Variants in CSF1R observed in about 807,000 individuals in gnomAD.
CSF1R encodes the protein colony stimulating factor 1 receptor.
Under a neutral mutation model 110.0 loss-of-function variants are expected in CSF1R, and 40 were observed. That is an observed-to-expected ratio of 0.36 (90% CI 0.28 to 0.47). The LOEUF is 0.47. Ranked by LOEUF, CSF1R falls within the 20% of genes least tolerant of loss-of-function variation. The pLI, the probability that CSF1R is intolerant of heterozygous loss-of-function variation, is 0.99. For missense variants in CSF1R, 1,052 were observed against 1,253.0 expected (o/e 0.84, Z 2.42); for synonymous variants, 523 against 503.4 (o/e 1.04, Z -0.52).
chr5:150,066,119 G>T (rs1757759042), intron 10 of CSF1R, among the ~76,000 whole-genome samples: 1 of 152,292 alleles, frequency 6.6e-6, no homozygotes, highest in Non-Finnish European at 1.5e-5. Context: ...TCAAGGAGAT[G>T]ATGCCCGACC....
chr5:150,061,483 T>A lies in CSF1R; in HGVS notation c.1858+8A>T. The stretch of plus-strand genomic sequence containing the variant: ...CCATCCCTTCCCTCATCCCCTCCCC[T>A]CACTCACACTTCAGCATCTTCACAG... On this transcript the variant is annotated splice_region_variant and intron_variant, in intron 12 of 20. Transcript: ENST00000675795. 2.0e-4 allele frequency: 93 copies of A among 468,684 alleles called. No homozygotes were observed. Among genetic ancestry groups the A allele is most frequent in the Non-Finnish European group, 2.7e-4 (87 of 323,814 alleles). The allele number at this position is 468,684 out of a possible 1,614,324, so 29.0% of individuals were successfully genotyped here.
chr5:150,064,794 C>T (rs764938012), intron 10 of CSF1R, among the ~76,000 whole-genome samples: 1 of 152,082 alleles, frequency 6.6e-6, no homozygotes, highest in Admixed American at 6.5e-5. Context: ...ATTTCTGAAT[C>T]CTAGGCTCCT....
At chr5:150,064,796 T>A (rs752240871) in intron 10 of CSF1R, among the ~76,000 whole-genome samples, 1 of 152,156 alleles carries the variant, frequency 6.6e-6, no homozygotes, top group Admixed American at 6.5e-5. Context: ...TTCTGAATCC[T>A]AGGCTCCTAA....
chr5:150,108,933 G>A (rs1759628897), intron 1 of CSF1R, among the ~76,000 whole-genome samples: 2 of 152,220 alleles, frequency 1.3e-5, no homozygotes, highest in Admixed American at 6.5e-5. Context: ...GATGTCCCCA[G>A]GTCCCTGCCC....
intron 10 of CSF1R, 84 bp from the exon 11 acceptor site, chr5:150,061,933 G>T: frequency 1.9e-6 from 3 of 1,595,586 alleles, no homozygotes; most frequent in Non-Finnish European, 2.6e-6. Flanking sequence ...GAGCAGGGGT[G>T]TGGGCAGTCC....
Position 150,062,958 on chromosome 5 carries a change from G to C in CSF1R, c.1627-1109C>G, listed in dbSNP as rs946907752. On this transcript the variant is annotated intron_variant, in intron 10 of 20. Transcript: ENST00000675795. ...GCAGCCATCATGGCTTGAGGGAAGTGGGGGGCAGATTCCAGAAACAGGAAG... is the reference window on the plus strand; with the variant it reads ...GCAGCCATCATGGCTTGAGGGAAGTCGGGGGCAGATTCCAGAAACAGGAAG... 3.9e-5 allele frequency among the ~76,000 whole-genome samples: 6 copies of C among 152,220 alleles called. No individual in the cohort carries two copies. In the East Asian group the frequency reaches 7.7e-4, roughly 20 times the overall value.
At chr5:150,071,996 C>T (rs1458599923) in intron 6 of CSF1R, among the ~76,000 whole-genome samples, 1 of 151,588 alleles carries the variant, frequency 6.6e-6, no homozygotes. Flanking sequence ...CTAAGGGATC[C>T]ACACAGGGAT....
chr5:150,068,593 T>C (rs1304888234), intron 9 of CSF1R, among the ~76,000 whole-genome samples: 1 of 152,124 alleles, frequency 6.6e-6, no homozygotes, highest in African/African-American at 2.4e-5. Flanking sequence ...GTAGGGAGCC[T>C]CTGGGGTCAT....
intron 1 of CSF1R, among the ~76,000 whole-genome samples, chr5:150,100,018 G>A (rs955348240): frequency 6.6e-6 from 1 of 152,102 alleles, no homozygotes; most frequent in Admixed American, 6.5e-5. Context: ...TTTGATGTTG[G>A]CTCACAGATA....
chr5:150,110,738 T>C (rs1759692296), intron 1 of CSF1R, among the ~76,000 whole-genome samples: 1 of 148,904 alleles, frequency 6.7e-6, no homozygotes, highest in South Asian at 2.1e-4. Flanking sequence ...AGGCAGAATT[T>C]CAACAAGATA....
intron 1 of CSF1R, among the ~76,000 whole-genome samples, chr5:150,084,334 A>T (rs1758701637): frequency 6.7e-6 from 1 of 148,162 alleles, no homozygotes; most frequent in Non-Finnish European, 1.5e-5. Context: ...CGGTCTCAAA[A>T]AGATAGAAAA....
At position 150,086,303 on chromosome 5, in the gene CSF1R, C is replaced by A. The variant is rs1758842987; in HGVS notation, c.49+76G>T. 9.0e-6 allele frequency: 13 copies of A among 1,437,600 alleles called. No homozygotes were observed. The East Asian group carries it at 3.2e-4, about 36-fold the overall frequency. 89.1% of individuals were successfully genotyped at this position (1,437,600 alleles called of 1,614,324 possible). On this transcript the variant is annotated intron_variant, in intron 1 of 20. Coordinates refer to ENST00000675795, the MANE Select transcript of CSF1R (RefSeq NM_001288705.3). ...CAGCCTGAGGACACCCAGTGAGGGG[C>A]AAGGACTGAATCCTTTCACAGGGGT...
chr5:150,103,255 C>T (rs1400365381), intron 1 of CSF1R, among the ~76,000 whole-genome samples: 1 of 152,236 alleles, frequency 6.6e-6, no homozygotes, highest in Non-Finnish European at 1.5e-5. Flanking sequence ...GCATTTCTGA[C>T]AGGTCACCTG....
chr5:150,101,064 C>T (rs1453126758), intron 1 of CSF1R, among the ~76,000 whole-genome samples: 1 of 149,726 alleles, frequency 6.7e-6, no homozygotes, highest in Admixed American at 6.6e-5. Context: ...TTAGCAGTTG[C>T]TCTCAGAAAA....
intron 1 of CSF1R, among the ~76,000 whole-genome samples, chr5:150,096,635 T>A (rs1759232981): frequency 6.6e-6 from 1 of 152,232 alleles, no homozygotes; most frequent in Admixed American, 6.5e-5. Context: ...TAATGCATCA[T>A]GTCCAAGTGG....
At chr5:150,072,849 A>G (rs1158872151) in intron 6 of CSF1R, among the ~76,000 whole-genome samples, 2 of 152,192 alleles carry the variant, frequency 1.3e-5, no homozygotes, top group Non-Finnish European at 2.9e-5. Flanking sequence ...CATTTCATGT[A>G]TCTGTGATTG....
chr5:150,083,787 G>A (rs1429437643), intron 1 of CSF1R, among the ~76,000 whole-genome samples: 1 of 152,106 alleles, frequency 6.6e-6, no homozygotes, highest in Non-Finnish European at 1.5e-5. Flanking sequence ...TATCCCACAG[G>A]CAGCTCCTCT....
chr5:150,059,948 A>T (rs1283766184), intron 13 of CSF1R, 86 bp from the exon 14 acceptor site: 1 of 1,468,980 alleles, frequency 6.8e-7, no homozygotes, highest in East Asian at 2.3e-5. Context: ...CAGTGAGGCC[A>T]CTGGACTTGG....
At chr5:150,102,897 CAGA>C (rs1407512763) in intron 1 of CSF1R, among the ~76,000 whole-genome samples, 1 of 152,214 alleles carries the variant, frequency 6.6e-6, no homozygotes, top group African/African-American at 2.4e-5. Flanking sequence ...TGTATTCACA[CAGA>C]AGTTTTTACT....
Sources: gnomAD v4.1 joint callset for allele counts (sites outside exome capture counted in the v4.1 genomes callset) on GRCh38, gnomAD v4.1.1 for gene constraint, MANE v1.5 for transcripts, NCBI Gene and HGNC (gene_info 2026-07-23, HGNC 2026-07-21) for gene names.